Variants in KPNA3 observed in about 807,000 individuals in gnomAD.
KPNA3 encodes the protein importin subunit alpha-4.
In KPNA3, 13 loss-of-function variants were observed where a neutral mutation model predicts 73.8. That is an observed-to-expected ratio of 0.18 (90% CI 0.11 to 0.28). KPNA3 has a LOEUF of 0.28. KPNA3 is among the 10% of genes least tolerant of loss of function. The pLI, the probability that KPNA3 is intolerant of heterozygous loss-of-function variation, is 1.00. For missense variants in KPNA3, 360 were observed against 618.1 expected, an observed-to-expected ratio of 0.58 and a Z score of 4.43; for synonymous variants, 186 against 206.9, an observed-to-expected ratio of 0.90 and a Z score of 0.87.
chr13:49,765,091 T>C (rs932126557), intron 1 of KPNA3, among the ~76,000 whole-genome samples: 1 of 152,240 alleles, frequency 6.6e-6, no homozygotes, highest in African/African-American at 2.4e-5. Flanking sequence ...CCTATTCATC[T>C]AGTTACTCTA....
chr13:49,747,960 C>A (rs960636608), intron 1 of KPNA3, among the ~76,000 whole-genome samples: 3 of 152,044 alleles, frequency 2.0e-5, no homozygotes, highest in African/African-American at 7.2e-5. Context: ...TCACAAGACT[C>A]AACTACACTA....
intron 2 of KPNA3, among the ~76,000 whole-genome samples, chr13:49,742,820 C>T (rs1305838092): frequency 6.6e-6 from 1 of 152,162 alleles, no homozygotes; most frequent in Non-Finnish European, 1.5e-5. Flanking sequence ...TTGGCACAAG[C>T]TCCCTAACTT....
intron 2 of KPNA3, among the ~76,000 whole-genome samples, chr13:49,744,521 C>CA (rs1186726065): frequency 2.6e-5 from 4 of 151,874 alleles, no homozygotes; most frequent in Admixed American, 2.6e-4. Flanking sequence ...ATGATTGAAA[C>CA]AAAAAAATGA....
Position 49,737,381 on chromosome 13 carries a change from T to A in KPNA3, c.115-4335A>T, listed in dbSNP as rs917551416. 7.2e-5 allele frequency among the ~76,000 whole-genome samples: 11 copies of A among 152,340 alleles called. 1 individual carries two copies. Among genetic ancestry groups the A allele is most frequent in the Admixed American group, 6.5e-4 (10 of 15,294 alleles). ...TTTGGTGTTGTCACTACTGTTTATTTTAGCTGTTCTGATAGATGTGTAGTT... is the reference window on the plus strand; with the variant it reads ...TTTGGTGTTGTCACTACTGTTTATTATAGCTGTTCTGATAGATGTGTAGTT... On this transcript the variant is annotated intron_variant, in intron 2 of 16. Transcript: ENST00000261667.
At chr13:49,707,999 T>A (rs200581670) in intron 12 of KPNA3, among the ~76,000 whole-genome samples, 1 of 4,826 alleles carries the variant, frequency 2.1e-4, no homozygotes, top group South Asian at 0.022. Flanking sequence ...TCTTTTTTCC[T>A]TTTTTTTTTT....
intron 2 of KPNA3, among the ~76,000 whole-genome samples, chr13:49,735,211 C>T (rs1354422234): frequency 6.6e-6 from 1 of 152,162 alleles, no homozygotes; most frequent in Non-Finnish European, 1.5e-5. Flanking sequence ...CAACCTCCAC[C>T]TCCCGGGTTC....
intron 2 of KPNA3, among the ~76,000 whole-genome samples, chr13:49,739,299 G>A (rs1954552043): frequency 6.6e-6 from 1 of 152,140 alleles, no homozygotes; most frequent in South Asian, 2.1e-4. Context: ...GAAAATATAA[G>A]TAACAGGTTT....
chr13:49,724,983 A>G (rs2137547170), intron 7 of KPNA3, among the ~76,000 whole-genome samples: 1 of 152,314 alleles, frequency 6.6e-6, no homozygotes, highest in East Asian at 1.9e-4. Flanking sequence ...ACCACACCTA[A>G]AATTAGCTAA....
At chr13:49,765,168 T>C (rs540279428) in intron 1 of KPNA3, among the ~76,000 whole-genome samples, 2 of 152,360 alleles carry the variant, frequency 1.3e-5, no homozygotes, top group East Asian at 3.9e-4. Context: ...TTAATAACTC[T>C]GGATAATCCA....
At chr13:49,704,695 T>C (rs1954190219) in intron 15 of KPNA3, among the ~76,000 whole-genome samples, 3 of 152,164 alleles carry the variant, frequency 2.0e-5, no homozygotes, top group African/African-American at 7.2e-5. Flanking sequence ...TTTTAACATA[T>C]GTTTCACATG....
intron 2 of KPNA3, among the ~76,000 whole-genome samples, chr13:49,737,038 T>C (rs1237779769): frequency 1.3e-5 from 2 of 152,246 alleles, no homozygotes; most frequent in African/African-American, 4.8e-5. Flanking sequence ...TTCATTTTTA[T>C]TGCCAAATAG....
chr13:49,718,002 T>TC (rs1954320895), intron 10 of KPNA3, among the ~76,000 whole-genome samples: 2 of 152,198 alleles, frequency 1.3e-5, no homozygotes, highest in East Asian at 1.9e-4. Context: ...ATTTTTTTTT[T>TC]CACTGTGAGC....
chr13:49,732,189 T>C (rs1033905072), intron 6 of KPNA3, among the ~76,000 whole-genome samples, 182 bp downstream of exon 6: 6 of 152,016 alleles, frequency 3.9e-5, no homozygotes, highest in Non-Finnish European at 7.4e-5. Flanking sequence ...CCTTCAGAAA[T>C]GAAAACGAGA....
In KPNA3 at chr13:49,710,987, C is replaced by A; in HGVS notation, c.807G>T (p.Leu269Phe). ...LVDTVWALSYLTDGGNEQIQM... is the reference protein window; with the variant it reads ...LVDTVWALSYFTDGGNEQIQM... ...GTATCTGTTCATTACCTCCATCTGT[C>A]AAGTATGACAGAGCCCAAACAGTGT... Residue 269 changes from leucine (L) to phenylalanine (F), a missense_variant, in exon 11 of 17, where the codon TTG (leucine) becomes TTT (phenylalanine). Around this residue, in one of 3 missense-constraint regions of KPNA3, gnomAD observed 287 missense variants for 549.1 expected, o/e 0.52. Coordinates refer to ENST00000261667, the MANE Select transcript of KPNA3 (RefSeq NM_002267.4). 1 of 1,613,346 alleles carries A rather than the reference C, an allele frequency of 6.2e-7. No homozygotes were observed. The highest frequency in any genetic ancestry group is 1.1e-5 in the South Asian group (1 of 90,964).
chr13:49,767,027 T>TC lies in KPNA3; in HGVS notation c.70-20035dup, dbSNP rs1303250981. The stretch of plus-strand genomic sequence containing the variant: ...TTTTTTTTTTTTTATAATTTTAAGT[T>TC]CTGACTGAAAGTATAGGTTTAGGAC... On this transcript the variant is annotated intron_variant, in intron 1 of 16. Transcript: ENST00000261667. Among the ~76,000 whole-genome samples, 5 of 151,372 alleles carry TC rather than the reference T, an allele frequency of 3.3e-5. No individual in the cohort carries two copies. The East Asian group carries it at 9.7e-4, about 29-fold the overall frequency.
chr13:49,786,149 A>C (rs1167488205), intron 1 of KPNA3, among the ~76,000 whole-genome samples: 1 of 152,238 alleles, frequency 6.6e-6, no homozygotes, highest in African/African-American at 2.4e-5. Context: ...CAACAGTATC[A>C]ATGCCATGGA....
At chr13:49,715,595 T>C (rs1408953287) in intron 10 of KPNA3, among the ~76,000 whole-genome samples, 2 of 152,288 alleles carry the variant, frequency 1.3e-5, no homozygotes, top group Admixed American at 6.5e-5. Context: ...AAAAATGTCA[T>C]TTAAAACTAT....
At chr13:49,780,439 G>A (rs1381349800) in intron 1 of KPNA3, among the ~76,000 whole-genome samples, 1 of 152,040 alleles carries the variant, frequency 6.6e-6, no homozygotes, top group Non-Finnish European at 1.5e-5. Flanking sequence ...TTCAATCTCA[G>A]TGCCAACACT....
At chr13:49,757,745 C>G (rs1954723647) in intron 1 of KPNA3, among the ~76,000 whole-genome samples, 1 of 152,120 alleles carries the variant, frequency 6.6e-6, no homozygotes, top group Non-Finnish European at 1.5e-5. Context: ...CAGCTTTATT[C>G]TTAATAGCTA....
Sources: gnomAD v4.1 joint callset for allele counts (sites outside exome capture counted in the v4.1 genomes callset) on GRCh38, gnomAD v4.1.1 for gene constraint, gnomAD v4.1.1 regional missense constraint, MANE v1.5 for transcripts, NCBI Gene and HGNC (gene_info 2026-07-23, HGNC 2026-07-21) for gene names.